The following MTA3 variants were observed in gnomAD, a reference collection of about 807,000 sequenced individuals.
The protein encoded by MTA3 is metastasis-associated protein MTA3.
In MTA3, 34 loss-of-function variants were observed where a neutral mutation model predicts 83.5. The observed-to-expected ratio is 0.41, with a 90% confidence interval of 0.31 to 0.54. The LOEUF (loss-of-function observed/expected upper bound fraction) is 0.54, where lower values mean the gene tolerates loss of function less well. Ranked by LOEUF, MTA3 falls within the 20% of genes least tolerant of loss-of-function variation. The pLI, the probability that MTA3 is intolerant of heterozygous loss-of-function variation, is 0.33. For synonymous variants in MTA3, 303 were observed against 252.7 expected, an observed-to-expected ratio of 1.20 and a Z score of -1.89; for missense variants, 761 against 726.4, an observed-to-expected ratio of 1.05 and a Z score of -0.55.
intron 3 of MTA3, among the ~76,000 whole-genome samples, chr2:42,594,715 TA>T (rs1681505286): frequency 7.6e-5 from 3 of 39,632 alleles, no homozygotes; most frequent in African/African-American, 3.6e-4. Flanking sequence ...CATATATATA[TA>T]TATATATATA....
At chr2:42,547,397 T>C (rs1435825527) in intron 2 of MTA3, among the ~76,000 whole-genome samples, 1 of 152,258 alleles carries the variant, frequency 6.6e-6, no homozygotes, top group Non-Finnish European at 1.5e-5. Flanking sequence ...GCGCAATCTC[T>C]GCTCACTGCA....
chr2:42,554,414 T>C (rs1677282145), intron 2 of MTA3, among the ~76,000 whole-genome samples: 1 of 152,224 alleles, frequency 6.6e-6, no homozygotes, highest in South Asian at 2.1e-4. Flanking sequence ...ATTTGTATTT[T>C]CTGCAGTTAT....
chr2:42,568,831 C>T, intron 1 of MTA3, 58 bp downstream of exon 1: 1 of 1,210,428 alleles, frequency 8.3e-7, no homozygotes, highest in Non-Finnish European at 1.0e-6. Context: ...AGCGGGGGGC[C>T]GGGGCGAGTG....
chr2:42,592,441 G>A (rs951683777), intron 3 of MTA3, among the ~76,000 whole-genome samples: 10 of 151,948 alleles, frequency 6.6e-5, no homozygotes, highest in African/African-American at 1.7e-4. Context: ...AAAATTAGCC[G>A]GGTGTGGTGG....
At chr2:42,513,485 T>G (rs6724432) in intron 2 of MTA3, among the ~76,000 whole-genome samples, 2,714 of 152,162 alleles carry the variant, frequency 0.018, 61 homozygotes, top group African/African-American at 0.062. Flanking sequence ...AGACTCCAAG[T>G]GAAGAAGGAA....
intron 2 of MTA3, among the ~76,000 whole-genome samples, chr2:42,554,062 C>A (rs1220299561): frequency 2.6e-5 from 4 of 151,864 alleles, no homozygotes; most frequent in East Asian, 3.9e-4. Flanking sequence ...GGAGAAACTC[C>A]GTCTCTACCA....
intron 2 of MTA3, among the ~76,000 whole-genome samples, chr2:42,517,323 G>C (rs1572909202): frequency 6.6e-6 from 1 of 151,830 alleles, no homozygotes; most frequent in East Asian, 1.9e-4. Flanking sequence ...CCTAATCCCA[G>C]CACTTTGGGA....
At chr2:42,608,807 C>T (rs1009587827) in intron 3 of MTA3, among the ~76,000 whole-genome samples, 1 of 152,100 alleles carries the variant, frequency 6.6e-6, no homozygotes, top group Admixed American at 6.6e-5. Context: ...TTGCTTGAAC[C>T]TAGGTGGTGG....
intron 2 of MTA3, among the ~76,000 whole-genome samples, chr2:42,505,186 G>A (rs552396689): frequency 6.6e-6 from 1 of 152,122 alleles, no homozygotes; most frequent in Non-Finnish European, 1.5e-5. Flanking sequence ...GAGGTCAGGA[G>A]ATTGAGGCAT....
At chr2:42,749,012 G>A (rs1216573080) in intron 16 of MTA3, among the ~76,000 whole-genome samples, 1 of 152,240 alleles carries the variant, frequency 6.6e-6, no homozygotes, top group African/African-American at 2.4e-5. Flanking sequence ...TCCAAATTCT[G>A]TCTTCTCAGC....
chr2:42,673,544 A>T (rs1026438817), intron 8 of MTA3, among the ~76,000 whole-genome samples: 2 of 152,210 alleles, frequency 1.3e-5, no homozygotes, highest in Non-Finnish European at 2.9e-5. Flanking sequence ...AGCTGTTGTC[A>T]TAATACTGCA....
In MTA3 at chr2:42,597,130, T is replaced by C. The variant is rs143749305; in HGVS notation, c.191-12328T>C. ...TTTCACCTTGTTGTCCAGGCGGGTT[T>C]CGAAATCCTGAGCTCAGGCAATCCG... On this transcript the variant is annotated intron_variant, in intron 3 of 16. Coordinates refer to ENST00000405094, the MANE Select transcript of MTA3 (RefSeq NM_001330442.2). Among the ~76,000 whole-genome samples the C allele has an allele frequency of 1.8e-3, 277 of 152,120 alleles. 4 individuals carry two copies. Among genetic ancestry groups the C allele is most frequent in the African/African-American group, 6.2e-3 (259 of 41,500 alleles).
chr2:42,680,566 G>T (rs1318961865), intron 8 of MTA3, among the ~76,000 whole-genome samples: 2 of 152,188 alleles, frequency 1.3e-5, no homozygotes, highest in South Asian at 4.1e-4. Flanking sequence ...ACTTGGGCAA[G>T]AATTAGATCA....
intron 4 of MTA3, among the ~76,000 whole-genome samples, chr2:42,639,094 T>C (rs1007807856): frequency 6.7e-5 from 10 of 150,324 alleles, no homozygotes; most frequent in Non-Finnish European, 1.0e-4. Flanking sequence ...GGAGTCTTGC[T>C]CTGTCGCCCG....
intron 2 of MTA3, among the ~76,000 whole-genome samples, chr2:42,503,642 AGAATTTCCT>A (rs1196724489): frequency 5.3e-5 from 8 of 152,218 alleles, no homozygotes; most frequent in African/African-American, 1.9e-4. Context: ...AAGGAGCTCA[AGAATTTCCT>A]TTTATTTCTA....
intron 8 of MTA3, among the ~76,000 whole-genome samples, chr2:42,672,470 C>G (rs1690898172): frequency 6.6e-6 from 1 of 151,536 alleles, no homozygotes; most frequent in Admixed American, 6.6e-5. Context: ...TGGTGAAACC[C>G]TATCTCTACT....
chr2:42,571,007 G>A (rs1229138330), intron 2 of MTA3, among the ~76,000 whole-genome samples: 5 of 150,870 alleles, frequency 3.3e-5, no homozygotes, highest in Non-Finnish European at 5.9e-5. Flanking sequence ...GATAAACTCC[G>A]TCTCAAAAAA....
intron 15 of MTA3, among the ~76,000 whole-genome samples, chr2:42,722,300 G>T (rs1667467817): frequency 6.6e-6 from 1 of 152,134 alleles, no homozygotes; most frequent in African/African-American, 2.4e-5. Flanking sequence ...TTATGGTTTT[G>T]TGATATATCC....
intron 3 of MTA3, among the ~76,000 whole-genome samples, chr2:42,606,887 G>C (rs1448856883): frequency 1.4e-5 from 2 of 147,560 alleles, no homozygotes; most frequent in African/African-American, 5.0e-5. Flanking sequence ...AGACCGGCCT[G>C]GCCAACACAG....
Sources: gnomAD v4.1 joint callset for allele counts (sites outside exome capture counted in the v4.1 genomes callset) on GRCh38, gnomAD v4.1.1 for gene constraint, MANE v1.5 for transcripts, NCBI Gene and HGNC (gene_info 2026-07-23, HGNC 2026-07-21) for gene names.